The following UTY variants were observed in gnomAD, a reference collection of about 807,000 sequenced individuals.
UTY encodes histone demethylase UTY.
A neutral mutation model predicts 32.5 loss-of-function variants in UTY; 12 were observed. The ratio of observed to expected loss-of-function variants is 0.37; its 90% CI spans 0.24 to 0.60. UTY has a LOEUF of 0.60. UTY is among the 20% of genes least tolerant of loss of function. The pLI is 0.69. For synonymous variants in UTY, 131 were observed against 103.4 expected, an observed-to-expected ratio of 1.27 and a Z score of -1.62; for missense variants, 303 against 299.2, an observed-to-expected ratio of 1.01 and a Z score of -0.09.
intron 17 of UTY, among the ~76,000 whole-genome samples, chrY:13,346,734 T>C: frequency 3.0e-5 from 1 of 33,356 alleles, no homozygotes. Flanking sequence ...CAGAACACAA[T>C]GGGAAGCTTT....
chrY:13,279,306 T>C (rs961106144), intron 27 of UTY, among the ~76,000 whole-genome samples: 1 of 33,469 alleles, frequency 3.0e-5, no homozygotes, highest in African/African-American at 1.2e-4. Context: ...TCGAGTGCAA[T>C]GGCATGACCT....
At chrY:13,270,829 C>T (rs988095901) in intron 27 of UTY, among the ~76,000 whole-genome samples, 2 of 33,390 alleles carry the variant, frequency 6.0e-5, no homozygotes, top group African/African-American at 2.4e-4. Context: ...CCTGTAATCC[C>T]AGCACTTTGG....
At position 13,420,551 on chromosome Y, in the gene UTY, T is replaced by C; in HGVS notation, c.376-5758A>G. 9.0e-5 allele frequency among the ~76,000 whole-genome samples: 3 copies of C among 33,199 alleles called. No individual in the cohort carries two copies. The East Asian group carries it at 2.4e-3, about 26-fold the overall frequency. 89.1% of individuals were successfully genotyped at this position (33,199 alleles called of 37,273 possible). On this transcript the variant is annotated intron_variant, in intron 4 of 29. Coordinates refer to ENST00000545955, the MANE Select transcript of UTY (RefSeq NM_001258249.2). ...AATAAATAGTGCAGGGATAACTGGC[T>C]AGCCATATGCAGAAGACTAAAACTG...
chrY:13,462,317 G>T (rs2077446558), intron 3 of UTY, among the ~76,000 whole-genome samples: 1 of 32,616 alleles, frequency 3.1e-5, no homozygotes, highest in South Asian at 6.8e-4. Context: ...TTCTTTTATT[G>T]AGATGAAATC....
At chrY:13,345,336 G>A in intron 17 of UTY, among the ~76,000 whole-genome samples, 1 of 33,589 alleles carries the variant, frequency 3.0e-5, no homozygotes, top group Non-Finnish European at 7.4e-5. Context: ...ACCGGAGGCT[G>A]GTCAGTCCAA....
chrY:13,236,652 G>A (rs2053855529), intron 28 of UTY, among the ~76,000 whole-genome samples: 1 of 32,825 alleles, frequency 3.0e-5, no homozygotes, highest in Non-Finnish European at 7.4e-5. Context: ...AATAATCAAC[G>A]ACATTTTCAC....
intron 10 of UTY, among the ~76,000 whole-genome samples, chrY:13,361,902 T>C: frequency 9.1e-5 from 3 of 32,903 alleles, no homozygotes; most frequent in African/African-American, 3.6e-4. Context: ...GAAACAGAGA[T>C]ATTTAGAGGA....
chrY:13,312,651 C>T (rs2059254354), intron 21 of UTY, among the ~76,000 whole-genome samples: 1 of 31,184 alleles, frequency 3.2e-5, no homozygotes, highest in Admixed American at 3.0e-4. Flanking sequence ...ACCAGCTACT[C>T]GGGAAGCTGA....
intron 3 of UTY, among the ~76,000 whole-genome samples, chrY:13,458,091 T>C: frequency 5.9e-5 from 2 of 33,717 alleles, no homozygotes; most frequent in Non-Finnish European, 1.5e-4. Flanking sequence ...GGAAACGGAG[T>C]ATACATAGAA....
At chrY:13,323,453 T>TA (rs2059964075) in intron 21 of UTY, 102 bp downstream of exon 21, 3 of 188,764 alleles carry the variant, frequency 1.6e-5, no homozygotes, top group Admixed American at 2.2e-4. Flanking sequence ...ATGAGCACTT[T>TA]AAAAACATAC....
At chrY:13,418,162 T>C in intron 4 of UTY, among the ~76,000 whole-genome samples, 1 of 26,286 alleles carries the variant, frequency 3.8e-5, no homozygotes, top group Non-Finnish European at 8.8e-5. Context: ...ATACGGTGTT[T>C]GGTTTTTTGT....
Position 13,366,275 on chromosome Y carries a change from A to G in UTY, c.858T>C (p.Phe286=). 5.1e-6 allele frequency: 2 copies of G among 392,677 alleles called. No homozygotes were observed. The highest frequency in any genetic ancestry group is 7.8e-5 in the Admixed American group (1 of 12,763). Residue 286 remains phenylalanine (F), a synonymous_variant, in exon 10 of 30, where the codon TTT becomes TTC. Coordinates refer to ENST00000545955, the MANE Select transcript of UTY (RefSeq NM_001258249.2). The stretch of plus-strand genomic sequence containing the variant: ...CGAGTATTTCATCTCACCTTCCAAG[A>G]AAATACCACGATTGGCCAGAATTAG... The part of the protein sequence containing the change: ...ADPNSGQSWY[F]LGRCYSSIGK...
intron 4 of UTY, among the ~76,000 whole-genome samples, chrY:13,420,766 C>T (rs933561022): frequency 9.1e-5 from 3 of 32,962 alleles, no homozygotes; most frequent in Non-Finnish European, 2.2e-4. Context: ...AAATGTAACG[C>T]ACAAAACTAT....
At chrY:13,293,553 G>A (rs2057866368) in intron 27 of UTY, among the ~76,000 whole-genome samples, 1 of 33,186 alleles carries the variant, frequency 3.0e-5, no homozygotes, top group Non-Finnish European at 7.4e-5. Flanking sequence ...TCTTGACCTC[G>A]TTATCTGCCC....
At chrY:13,354,527 C>A in intron 17 of UTY, among the ~76,000 whole-genome samples, 4 of 32,842 alleles carry the variant, frequency 1.2e-4, no homozygotes. Context: ...GGGGTCACAG[C>A]CACTTCATCA....
At chrY:13,272,421 A>T in intron 27 of UTY, among the ~76,000 whole-genome samples, 1 of 33,696 alleles carries the variant, frequency 3.0e-5, no homozygotes, top group African/African-American at 1.2e-4. Flanking sequence ...AGACTCCAAG[A>T]CAAAGAAGTG....
intron 4 of UTY, among the ~76,000 whole-genome samples, chrY:13,445,207 GC>G (rs2075596226): frequency 6.0e-5 from 1 of 16,786 alleles, no homozygotes; most frequent in Admixed American, 6.2e-4. Flanking sequence ...CCTATGATAA[GC>G]CATAAAACAA....
At chrY:13,234,170 C>T (rs2053831420), downstream of UTY, among the ~76,000 whole-genome samples, 2 of 34,406 alleles carry the variant, frequency 5.8e-5, no homozygotes, top group East Asian at 1.6e-3. Flanking sequence ...TGTGGAGCGG[C>T]AAGGGGTGTT....
At chrY:13,319,573 AT>A (rs2059692292) in intron 21 of UTY, among the ~76,000 whole-genome samples, 1 of 33,584 alleles carries the variant, frequency 3.0e-5, no homozygotes, top group Non-Finnish European at 7.4e-5. Flanking sequence ...GGTATGTGAG[AT>A]TTTAAGGGAC....
Sources: allele counts gnomAD v4.1 joint callset (sites outside exome capture counted in the v4.1 genomes callset), GRCh38; gene constraint gnomAD v4.1.1; transcripts MANE v1.5; gene names NCBI Gene and HGNC (gene_info 2026-07-23, HGNC 2026-07-21).